XRCC4: variants seen among roughly 807,000 people sequenced by gnomAD.
XRCC4 encodes DNA repair protein XRCC4.
Under a neutral mutation model 39.1 loss-of-function variants are expected in XRCC4, and 28 were observed. The observed-to-expected ratio is 0.72, with a 90% confidence interval of 0.53 to 0.98. The LOEUF (loss-of-function observed/expected upper bound fraction) is 0.98, where lower values mean the gene tolerates loss of function less well. XRCC4 is among the 50% of genes least tolerant of loss of function. XRCC4 has a pLI of 0.00. For synonymous variants in XRCC4, 123 were observed against 126.4 expected, an observed-to-expected ratio of 0.97 and a Z score of 0.18; for missense variants, 350 against 376.4, an observed-to-expected ratio of 0.93 and a Z score of 0.58.
intron 6 of XRCC4, among the ~76,000 whole-genome samples, chr5:83,212,960 A>AC (rs1333584150): frequency 2.0e-5 from 3 of 151,586 alleles, no homozygotes; most frequent in Admixed American, 1.3e-4. Context: ...TAAAAAAAAA[A>AC]AACAAAAAGA....
At chr5:83,166,459 TG>T (rs111931075) in intron 3 of XRCC4, among the ~76,000 whole-genome samples, 212 of 116,062 alleles carry the variant, frequency 1.8e-3, no homozygotes, top group Non-Finnish European at 2.8e-3. Context: ...TGTTCCTGTT[TG>T]TTTTTTTTTT....
chr5:83,241,823 G>C, intron 6 of XRCC4, among the ~76,000 whole-genome samples: 1 of 152,000 alleles, frequency 6.6e-6, no homozygotes, highest in Non-Finnish European at 1.5e-5. Flanking sequence ...CTAGAGAAAA[G>C]GAAATGTTAT....
At chr5:83,274,208 T>C (rs1201655934) in intron 7 of XRCC4, among the ~76,000 whole-genome samples, 3 of 152,236 alleles carry the variant, frequency 2.0e-5, no homozygotes, top group Non-Finnish European at 4.4e-5. Context: ...TAGGTTTGAA[T>C]GTAAACTGTC....
intron 6 of XRCC4, among the ~76,000 whole-genome samples, chr5:83,216,172 A>G (rs1334334324): frequency 2.0e-5 from 3 of 152,220 alleles, no homozygotes; most frequent in African/African-American, 7.2e-5. Flanking sequence ...TAGGCATTTC[A>G]TTGAAGAAGA....
intron 7 of XRCC4, among the ~76,000 whole-genome samples, chr5:83,295,929 A>T (rs1328140620): frequency 6.6e-6 from 1 of 152,076 alleles, no homozygotes; most frequent in Non-Finnish European, 1.5e-5. Flanking sequence ...TCTAAGGTAG[A>T]TTGATTAAAA....
At chr5:83,136,574 AAATT>A (rs1174016106) in intron 3 of XRCC4, among the ~76,000 whole-genome samples, 8 of 152,172 alleles carry the variant, frequency 5.3e-5, no homozygotes, top group African/African-American at 1.7e-4. Context: ...TAATCATTTA[AAATT>A]AATTAAAGAT....
At chr5:83,294,822 T>C (rs1318962924) in intron 7 of XRCC4, among the ~76,000 whole-genome samples, 1 of 152,060 alleles carries the variant, frequency 6.6e-6, no homozygotes, top group African/African-American at 2.4e-5. Flanking sequence ...TAGTTAGCTT[T>C]TATGATAATG....
At chr5:83,102,884 A>G (rs570540170) in intron 1 of XRCC4, among the ~76,000 whole-genome samples, 5 of 151,842 alleles carry the variant, frequency 3.3e-5, no homozygotes, top group Admixed American at 1.3e-4. Context: ...CAGGTGGTGG[A>G]TTTGAGTCCT....
chr5:83,233,886 C>T (rs1580403615), intron 6 of XRCC4, among the ~76,000 whole-genome samples: 1 of 133,852 alleles, frequency 7.5e-6, no homozygotes, highest in Middle Eastern at 4.2e-3. Flanking sequence ...CTGGGTGACA[C>T]AGCAAGACTT....
intron 7 of XRCC4, among the ~76,000 whole-genome samples, chr5:83,301,395 C>G (rs982880802): frequency 1.3e-5 from 2 of 152,120 alleles, no homozygotes; most frequent in Non-Finnish European, 2.9e-5. Context: ...AGTGTCTGTT[C>G]ATATCCTTCA....
At chr5:83,334,745 G>C (rs974535164) in intron 7 of XRCC4, among the ~76,000 whole-genome samples, 1 of 151,406 alleles carries the variant, frequency 6.6e-6, no homozygotes, top group African/African-American at 2.4e-5. Context: ...TCTTTATTTT[G>C]TCCTTTCTAT....
At position 83,194,614 on chromosome 5, in the gene XRCC4, G is replaced by A. The variant is rs28360128; in HGVS notation, c.316-1156G>A. ...TTGGAAATATTCTTATCAGATAAAT[G>A]GCATAATAGAAATTCACAATCTAGG... On this transcript the variant is annotated intron_variant, in intron 3 of 7. Coordinates refer to ENST00000396027, the MANE Select transcript of XRCC4 (RefSeq NM_003401.5). Among the ~76,000 whole-genome samples the A allele has an allele frequency of 9.2e-3, 1,404 of 152,002 alleles. 17 individuals are homozygous for A. Among genetic ancestry groups the A allele is most frequent in the African/African-American group, 0.032 (1,318 of 41,462 alleles).
chr5:83,152,651 A>G (rs1329763023), intron 3 of XRCC4, among the ~76,000 whole-genome samples: 1 of 151,236 alleles, frequency 6.6e-6, no homozygotes, highest in Non-Finnish European at 1.5e-5. Flanking sequence ...AAAAAAAAAA[A>G]AAGAAATAGA....
intron 3 of XRCC4, among the ~76,000 whole-genome samples, chr5:83,140,752 C>T (rs916689002): frequency 6.6e-6 from 1 of 151,880 alleles, no homozygotes; most frequent in African/African-American, 2.4e-5. Flanking sequence ...TCTTTCCCAC[C>T]CCTTTCTGTT....
At chr5:83,081,767 G>A (rs1304058591) in intron 1 of XRCC4, among the ~76,000 whole-genome samples, 1 of 152,060 alleles carries the variant, frequency 6.6e-6, no homozygotes, top group African/African-American at 2.4e-5. Context: ...AACCCCATTT[G>A]TTTGCTCTTC....
chr5:83,236,867 TGA>T (rs1044509840), intron 6 of XRCC4, among the ~76,000 whole-genome samples: 15 of 141,380 alleles, frequency 1.1e-4, no homozygotes, highest in Middle Eastern at 3.4e-3. Context: ...ACTCAATAGG[TGA>T]AAAAAAAAAA....
At chr5:83,353,828 G>T (rs989394926), downstream of XRCC4, 3 of 152,076 alleles carry the variant, frequency 2.0e-5, no homozygotes, top group African/African-American at 7.2e-5. Context: ...CAGGTTTTTA[G>T]AAACTGCTTA....
chr5:83,279,797 T>C (rs529132192), intron 7 of XRCC4: 1 of 152,770 alleles, frequency 6.5e-6, no homozygotes, highest in East Asian at 1.9e-4. Flanking sequence ...ATGGTGCAAG[T>C]TTATAACCAA....
chr5:83,287,364 G>A (rs566566919), intron 7 of XRCC4, among the ~76,000 whole-genome samples: 1 of 152,030 alleles, frequency 6.6e-6, no homozygotes, highest in African/African-American at 2.4e-5. Flanking sequence ...GTGTAACAGA[G>A]AGAGAATAGC....
Sources: allele counts gnomAD v4.1 joint callset (sites outside exome capture counted in the v4.1 genomes callset), GRCh38; gene constraint gnomAD v4.1.1; transcripts MANE v1.5; gene names NCBI Gene and HGNC (gene_info 2026-07-23, HGNC 2026-07-21).